LIN28B: variants seen among roughly 807,000 people sequenced by gnomAD.
LIN28B encodes the protein protein lin-28 homolog B.
A neutral mutation model predicts 21.9 loss-of-function variants in LIN28B; 5 were observed. The observed-to-expected ratio is 0.23, with a 90% confidence interval of 0.12 to 0.48. LIN28B has a LOEUF of 0.48. Among genes scored for constraint, LIN28B ranks in the 20% least tolerant of loss-of-function variants. LIN28B has a pLI of 0.98. For synonymous variants in LIN28B, 109 were observed against 111.3 expected, an observed-to-expected ratio of 0.98 and a Z score of 0.13; for missense variants, 245 against 310.5, an observed-to-expected ratio of 0.79 and a Z score of 1.58.
At position 105,078,722 on chromosome 6, in the gene LIN28B, C is replaced by G; in HGVS notation, c.692C>G (p.Ser231Cys). ...SPQEASSTKSSIAPEEQSKKG... is the reference protein window; with the variant it reads ...SPQEASSTKSCIAPEEQSKKG... ...CAAGAAGCTTCCTCCACGAAGTCAT[C>G]TATAGCACCAGAAGAGCAAAGCAAA... Residue 231 changes from serine to cysteine, a missense_variant, in exon 4 of 4, where the codon TCT (serine) becomes TGT (cysteine). Coordinates refer to ENST00000345080, the MANE Select transcript of LIN28B (RefSeq NM_001004317.4). The G allele has an allele frequency of 6.2e-7, 1 of 1,614,108 alleles. No homozygotes were observed. Among genetic ancestry groups the G allele is most frequent in the Non-Finnish European group, 8.5e-7 (1 of 1,180,026 alleles).
At chr6:105,054,404 T>C (rs1771981242) in intron 3 of LIN28B, among the ~76,000 whole-genome samples, 1 of 152,238 alleles carries the variant, frequency 6.6e-6, no homozygotes, top group Admixed American at 6.5e-5. Context: ...ATACATTTTT[T>C]ATTTTGACAT....
intron 2 of LIN28B, among the ~76,000 whole-genome samples, chr6:104,973,249 A>AGAATTT (rs1334505398): frequency 1.3e-5 from 2 of 152,216 alleles, no homozygotes; most frequent in Non-Finnish European, 2.9e-5. Context: ...ATAGTAATTC[A>AGAATTT]GAATTTCCTT....
intron 3 of LIN28B, among the ~76,000 whole-genome samples, chr6:105,068,527 G>A (rs925074153): frequency 1.3e-5 from 2 of 152,166 alleles, no homozygotes; most frequent in Non-Finnish European, 2.9e-5. Context: ...GCAGTTCAGA[G>A]TTTGAATTTA....
chr6:105,019,981 G>A (rs1771103110), intron 2 of LIN28B, among the ~76,000 whole-genome samples: 1 of 152,042 alleles, frequency 6.6e-6, no homozygotes, highest in Non-Finnish European at 1.5e-5. Context: ...CAATCTAGTT[G>A]GAGAGAAAAA....
At chr6:104,972,093 C>G (rs886690703) in intron 2 of LIN28B, among the ~76,000 whole-genome samples, 1 of 152,126 alleles carries the variant, frequency 6.6e-6, no homozygotes, top group South Asian at 2.1e-4. Context: ...GCCTCAGCCT[C>G]CTGAGTATCT....
chr6:105,038,650 C>G (rs1257037691), intron 3 of LIN28B, among the ~76,000 whole-genome samples: 2 of 152,106 alleles, frequency 1.3e-5, no homozygotes, highest in Non-Finnish European at 2.9e-5. Context: ...TAGCCGTAAC[C>G]AAACTGACAT....
intron 2 of LIN28B, among the ~76,000 whole-genome samples, chr6:104,949,993 A>T (rs1004234604): frequency 1.3e-5 from 2 of 152,184 alleles, no homozygotes; most frequent in African/African-American, 4.8e-5. Context: ...CAGCCCCAAT[A>T]TCTATTTTAT....
At chr6:104,940,336 G>A in intron 2 of LIN28B, 1 of 156,726 alleles carries the variant, frequency 6.4e-6, no homozygotes. Flanking sequence ...CCCTCCAGTC[G>A]CACCCTAGGG....
In LIN28B at chr6:105,079,260, C is replaced by T. The variant is rs1026388424; in HGVS notation, c.*477C>T. ...TTTATATTATATAAAACTAAAAACA[C>T]GACTGTTACCTTTTGTGTGAACCAA... On this transcript the variant is annotated 3_prime_UTR_variant, in exon 4 of 4. Transcript: ENST00000345080. The T allele has an allele frequency of 7.2e-5, 11 of 152,866 alleles. No homozygotes were observed. Among genetic ancestry groups the T allele is most frequent in the South Asian group, 2.1e-4 (1 of 4,840 alleles). The allele number at this position is 152,866 out of a possible 1,614,324, so 9.5% of individuals were successfully genotyped here. A position where few individuals can be genotyped will look rare whatever the true frequency, so the allele number is the denominator to read the frequency against.
At chr6:104,955,467 A>G (rs1380040021), upstream of LIN28B, among the ~76,000 whole-genome samples, 1 of 152,234 alleles carries the variant, frequency 6.6e-6, no homozygotes, top group African/African-American at 2.4e-5. Flanking sequence ...CCTTTTATCA[A>G]AAACAGCTGA....
intron 3 of LIN28B, among the ~76,000 whole-genome samples, chr6:105,030,640 A>C (rs1375704201): frequency 1.0e-4 from 13 of 124,100 alleles, no homozygotes; most frequent in Non-Finnish European, 2.0e-4. Context: ...CTTGTCGCCC[A>C]GTCTGGAGTG....
chr6:104,982,087 G>C (rs1195345071), intron 2 of LIN28B, among the ~76,000 whole-genome samples: 1 of 152,082 alleles, frequency 6.6e-6, no homozygotes, highest in African/African-American at 2.4e-5. Context: ...GGCTGAGGTG[G>C]GCGGATCATC....
intron 3 of LIN28B, among the ~76,000 whole-genome samples, chr6:105,050,242 A>C (rs1279664430): frequency 4.6e-5 from 7 of 152,076 alleles, no homozygotes; most frequent in African/African-American, 7.2e-5. Flanking sequence ...AAAGTATTTT[A>C]TTTCTCCTTC....
chr6:104,985,804 A>C (rs1339039950), intron 2 of LIN28B, among the ~76,000 whole-genome samples: 1 of 152,184 alleles, frequency 6.6e-6, no homozygotes, highest in Non-Finnish European at 1.5e-5. Flanking sequence ...GTCCATATAC[A>C]GTTAATTTTT....
chr6:105,056,623 CAA>C (rs1234275508), intron 3 of LIN28B, among the ~76,000 whole-genome samples: 1 of 152,156 alleles, frequency 6.6e-6, no homozygotes, highest in African/African-American at 2.4e-5. Flanking sequence ...TGCCAAACAA[CAA>C]AGTCTGCTGC....
intron 2 of LIN28B, among the ~76,000 whole-genome samples, chr6:105,002,985 C>T (rs1770747394): frequency 6.6e-6 from 1 of 152,182 alleles, no homozygotes; most frequent in Admixed American, 6.5e-5. Flanking sequence ...CCAGCTTTGG[C>T]ACTAACTTGT....
chr6:105,048,955 T>C (rs1041394320), intron 3 of LIN28B, among the ~76,000 whole-genome samples: 6 of 152,180 alleles, frequency 3.9e-5, no homozygotes, highest in Non-Finnish European at 7.4e-5. Flanking sequence ...TGTTGGTCTT[T>C]TCAAAAAACA....
intron 2 of LIN28B, among the ~76,000 whole-genome samples, chr6:105,012,846 TG>T (rs1336964962): frequency 1.3e-5 from 2 of 152,198 alleles, no homozygotes; most frequent in African/African-American, 4.8e-5. Flanking sequence ...CCATGGAACC[TG>T]GGGTCATAGG....
At chr6:105,041,502 CA>C (rs1220436983) in intron 3 of LIN28B, among the ~76,000 whole-genome samples, 1 of 152,046 alleles carries the variant, frequency 6.6e-6, no homozygotes, top group Non-Finnish European at 1.5e-5. Flanking sequence ...TTGTTTTGCA[CA>C]GGTTTCAGTA....
Sources: allele counts gnomAD v4.1 joint callset (sites outside exome capture counted in the v4.1 genomes callset), GRCh38; gene constraint gnomAD v4.1.1; transcripts MANE v1.5; gene names NCBI Gene and HGNC (gene_info 2026-07-23, HGNC 2026-07-21).